Variants in RPL28 observed in about 807,000 individuals in gnomAD.
The protein encoded by RPL28 is ribosomal protein L28, also known as large ribosomal subunit protein eL28.
In RPL28, 4 loss-of-function variants were observed where a neutral mutation model predicts 12.5. The ratio of observed to expected loss-of-function variants is 0.32; its 90% CI spans 0.16 to 0.73. The LOEUF (loss-of-function observed/expected upper bound fraction) is 0.73, where lower values mean the gene tolerates loss of function less well. Among genes scored for constraint, RPL28 ranks in the 30% least tolerant of loss-of-function variants. The pLI is 0.66. For missense variants in RPL28, 214 were observed against 197.7 expected (o/e 1.08, Z -0.49); for synonymous variants, 91 against 72.5 (o/e 1.26, Z -1.30).
chr19:55,394,367 C>G (rs1199076138), downstream of RPL28, among the ~76,000 whole-genome samples: 1 of 151,934 alleles, frequency 6.6e-6, no homozygotes, highest in Non-Finnish European at 1.5e-5. Flanking sequence ...TCAAACAATC[C>G]TCCCACCTCA....
exon 5 of RPL28, chr19:55,402,993 G>C (rs1292077115): frequency 6.5e-7 from 1 of 1,534,824 alleles, no homozygotes; most frequent in Admixed American, 2.0e-5. Context: ...TGGAGCACCA[G>C]CCTAGACCAG....
downstream of RPL28, among the ~76,000 whole-genome samples, chr19:55,393,273 A>G (rs2090003335): frequency 7.7e-6 from 1 of 129,518 alleles, no homozygotes; most frequent in Non-Finnish European, 1.6e-5. Context: ...CCCCATGAGG[A>G]ATAAAAGCCC....
intron 2 of RPL28, 49 bp downstream of exon 2, chr19:55,386,487 C>T (rs747860802): frequency 1.2e-6 from 2 of 1,606,692 alleles, no homozygotes; most frequent in Non-Finnish European, 8.5e-7. Flanking sequence ...GGTCCTGAGT[C>T]TCTTGACTCT....
Position 55,388,385 on chromosome 19 carries a change from T to C in RPL28, c.*53T>C. ...AGCTGGCTTTCTCACCTGCCTCGAC[T>C]GGGCCTCCCTTTTTGAAACGCTCTG... On this transcript the variant is annotated 3_prime_UTR_variant, in exon 5 of 5. Transcript: ENST00000344063. 3 of 1,431,580 alleles carry C rather than the reference T, an allele frequency of 2.1e-6. No individual in the cohort carries two copies. Among genetic ancestry groups the C allele is most frequent in the Non-Finnish European group, 2.8e-6 (3 of 1,089,196 alleles). The allele number at this position is 1,431,580 out of a possible 1,614,324, so 88.7% of individuals were successfully genotyped here.
In RPL28 at chr19:55,391,818, T is replaced by C; in HGVS notation, c.*3486T>C. ...GATCACAGATGTCTTCACATGCCTA[T>C]GACTAATTTGTACACAAACTAATGC... On this transcript the variant is annotated 3_prime_UTR_variant, in exon 5 of 5. Coordinates refer to ENST00000344063, the MANE Select transcript of RPL28 (RefSeq NM_000991.5). 7.1e-7 allele frequency: 1 copy of C among 1,416,164 alleles called. No individual in the cohort carries two copies. Among genetic ancestry groups the C allele is most frequent in the South Asian group, 1.6e-5 (1 of 64,062 alleles). The allele number at this position is 1,416,164 out of a possible 1,614,324, so 87.7% of individuals were successfully genotyped here.
chr19:55,390,547 C>G lies in RPL28; in HGVS notation c.*2215C>G. On this transcript the variant is annotated 3_prime_UTR_variant, in exon 5 of 5. Coordinates refer to ENST00000344063, the MANE Select transcript of RPL28 (RefSeq NM_000991.5). ...GGCCTTGTCCTTAACCACCTCCTTG[C>G]CTGCCCTGGAGGCTTGTGCCTCTAG... is the stretch of plus-strand genomic sequence containing the variant. The G allele has an allele frequency of 1.0e-6, 1 of 985,548 alleles. No homozygotes were observed. The highest frequency in any genetic ancestry group is 1.2e-6 in the Non-Finnish European group (1 of 829,998). The allele number at this position is 985,548 out of a possible 1,614,324, so 61.1% of individuals were successfully genotyped here.
At chr19:55,399,054 C>T (rs2090039793) in intron 4 of RPL28, among the ~76,000 whole-genome samples, 1 of 152,154 alleles carries the variant, frequency 6.6e-6, no homozygotes, top group Non-Finnish European at 1.5e-5. Context: ...GTGGTACGAT[C>T]ATAGCTCACT....
chr19:55,393,847 AC>A (rs2090007165), downstream of RPL28, among the ~76,000 whole-genome samples: 1 of 151,834 alleles, frequency 6.6e-6, no homozygotes, highest in South Asian at 2.1e-4. Context: ...CGGGGGTGTC[AC>A]CATGTTGGCC....
chr19:55,402,175 G>C (rs1416690201), intron 4 of RPL28, among the ~76,000 whole-genome samples: 1 of 152,218 alleles, frequency 6.6e-6, no homozygotes, highest in African/African-American at 2.4e-5. Flanking sequence ...CAACGAGTGA[G>C]GCCTGCAGCC....
rs1427351783 is a variant in RPL28 at position 55,386,345 on chromosome 19, C to G, written c.-8-5C>G. On this transcript the variant is annotated splice_polypyrimidine_tract_variant and splice_region_variant and intron_variant, in intron 1 of 4. Transcript: ENST00000344063. Reference sequence around the variant, plus strand: ...GACGCTTTCCCTGTGCCCGTTTCCCCGCAGCCGCCGCCATGTCTGCGCATC... The same window carrying G: ...GACGCTTTCCCTGTGCCCGTTTCCCGGCAGCCGCCGCCATGTCTGCGCATC... The G allele has an allele frequency of 2.5e-6, 4 of 1,613,128 alleles. No homozygotes were observed. The highest frequency in any genetic ancestry group is 3.4e-6 in the Non-Finnish European group (4 of 1,179,620).
Position 55,388,033 on chromosome 19 carries a change from C to T in RPL28, c.309C>T (p.Arg103=), listed in dbSNP as rs765406884. Residue 103 remains arginine, a synonymous_variant, in exon 4 of 5, where the codon CGC becomes CGT. Transcript: ENST00000344063. The part of the protein sequence containing the change: ...IRHMIRKNKY[R]PDLRMAAIRR... ...ACATGATCCGCAAGAACAAGTACCG[C>T]CCCGACCTGCGCATGGTGAGCTGGG... is the stretch of plus-strand genomic sequence containing the variant. The T allele has an allele frequency of 1.5e-5, 25 of 1,613,742 alleles. No individual in the cohort carries two copies. The highest frequency in any genetic ancestry group is 2.0e-5 in the Non-Finnish European group (24 of 1,179,914).
chr19:55,395,856 G>T (rs1276268749), downstream of RPL28, among the ~76,000 whole-genome samples: 1 of 152,228 alleles, frequency 6.6e-6, no homozygotes, highest in African/African-American at 2.4e-5. Context: ...CCAGGTTCTC[G>T]TGTATTTTTC....
downstream of RPL28, among the ~76,000 whole-genome samples, chr19:55,395,660 GTC>G (rs1569045145): frequency 6.6e-6 from 1 of 151,006 alleles, no homozygotes; most frequent in Non-Finnish European, 1.5e-5. Context: ...AGCCAGGATG[GTC>G]TCAATCTCCT....
chr19:55,395,537 G>A (rs568283364), downstream of RPL28, among the ~76,000 whole-genome samples: 7 of 150,798 alleles, frequency 4.6e-5, no homozygotes, highest in South Asian at 1.3e-3. Flanking sequence ...TCCGCCTCCC[G>A]GGTTCACGCC....
rs925550859 is a variant in RPL28 at position 55,390,248 on chromosome 19, G to T, written c.*1916G>T. Reference sequence around the variant, plus strand: ...GATGGAGTCTCGCTCTGTTGCCCAGGCTGGCGAGTGCAATGGCGCGATCTT... The same window carrying T: ...GATGGAGTCTCGCTCTGTTGCCCAGTCTGGCGAGTGCAATGGCGCGATCTT... On this transcript the variant is annotated 3_prime_UTR_variant, in exon 5 of 5. Coordinates refer to ENST00000344063, the MANE Select transcript of RPL28 (RefSeq NM_000991.5). 7 of 972,390 alleles carry T rather than the reference G, an allele frequency of 7.2e-6. No homozygotes were observed. In the African/African-American group the frequency reaches 1.2e-4, roughly 17 times the overall value. The allele number at this position is 972,390 out of a possible 1,614,324, so 60.2% of individuals were successfully genotyped here.
chr19:55,399,672 G>A (rs943860448), intron 4 of RPL28: 7 of 152,144 alleles, frequency 4.6e-5, no homozygotes, highest in Non-Finnish European at 7.3e-5. Flanking sequence ...CATCACAGAT[G>A]GCTTCATTAG....
In RPL28 at chr19:55,389,024, C is replaced by T; in HGVS notation, c.*692C>T. 1 of 985,534 alleles carries T rather than the reference C, an allele frequency of 1.0e-6. No individual in the cohort carries two copies. Among genetic ancestry groups the T allele is most frequent in the South Asian group, 4.7e-5 (1 of 21,284 alleles). The allele number at this position is 985,534 out of a possible 1,614,324, so 61.0% of individuals were successfully genotyped here. ...TGTCTCTTTGAGCTGGCTCTTGTCA[C>T]TTAGGTCTCATCTCAGTGGCCGCTC... On this transcript the variant is annotated 3_prime_UTR_variant, in exon 5 of 5. Coordinates refer to ENST00000344063, the MANE Select transcript of RPL28 (RefSeq NM_000991.5).
chr19:55,395,663 T>C (rs1042631913), downstream of RPL28, among the ~76,000 whole-genome samples: 1 of 149,902 alleles, frequency 6.7e-6, no homozygotes, highest in Non-Finnish European at 1.5e-5. Flanking sequence ...CAGGATGGTC[T>C]CAATCTCCTG....
Position 55,386,688 on chromosome 19 carries a change from G to A in RPL28, c.200G>A (p.Arg67Lys). The A allele has an allele frequency of 6.2e-7, 1 of 1,614,174 alleles. No individual in the cohort carries two copies. The highest frequency in any genetic ancestry group is 8.5e-7 in the Non-Finnish European group (1 of 1,180,014). The change falls in exon 3 of 5, where the codon AGA becomes AAA. Residue 67 changes from arginine to lysine, a missense_variant. Arg to Lys is a conservative substitution (Grantham distance 26, BLOSUM62 2). Coordinates refer to ENST00000344063, the MANE Select transcript of RPL28 (RefSeq NM_000991.5). ...GGTGTCGTGGTGGTCATTAAGCGGAGATCCGGTGAGTTTTGTCTGGTTTGG... is the reference window on the plus strand; with the variant it reads ...GGTGTCGTGGTGGTCATTAAGCGGAAATCCGGTGAGTTTTGTCTGGTTTGG... ...GKGVVVVIKRRSGQRKPATSY... is the reference protein window; with the variant it reads ...GKGVVVVIKRKSGQRKPATSY...
Sources: allele counts gnomAD v4.1 joint callset (sites outside exome capture counted in the v4.1 genomes callset), GRCh38; gene constraint gnomAD v4.1.1; transcripts MANE v1.5; gene names NCBI Gene and HGNC (gene_info 2026-07-23, HGNC 2026-07-21).